EHBP1: variants seen among roughly 807,000 people sequenced by gnomAD.
EHBP1 encodes the protein EH domain binding protein 1.
Under a neutral mutation model 144.0 loss-of-function variants are expected in EHBP1, and 55 were observed. The observed-to-expected ratio is 0.38, with a 90% CI of 0.31 to 0.48. The LOEUF (loss-of-function observed/expected upper bound fraction) is 0.48, where lower values mean the gene tolerates loss of function less well. Ranked by LOEUF, EHBP1 falls within the 20% of genes least tolerant of loss-of-function variation. EHBP1 has a pLI of 0.98. For synonymous variants in EHBP1, 469 were observed against 472.7 expected (o/e 0.99, Z 0.10); for missense variants, 1,200 against 1,364.2 (o/e 0.88, Z 1.90).
chr2:62,903,490 C>G (rs1183051447), intron 10 of EHBP1, among the ~76,000 whole-genome samples: 1 of 152,148 alleles, frequency 6.6e-6, no homozygotes, highest in Non-Finnish European at 1.5e-5. Context: ...AGGCCAGGTG[C>G]AGTGACTCAC....
chr2:62,983,600 G>A (rs1162888915), intron 15 of EHBP1, among the ~76,000 whole-genome samples: 1 of 152,134 alleles, frequency 6.6e-6, no homozygotes, highest in Non-Finnish European at 1.5e-5. Context: ...GAGTGCAATG[G>A]CGCTATCTCA....
At chr2:62,994,067 A>C (rs2059531768) in intron 18 of EHBP1, 90 bp downstream of exon 18, 1 of 869,336 alleles carries the variant, frequency 1.2e-6, no homozygotes, top group African/African-American at 1.7e-5. Flanking sequence ...ATGAGATGTT[A>C]GGTTTTTTAA....
At chr2:62,762,306 C>T (rs367684631) in intron 3 of EHBP1, among the ~76,000 whole-genome samples, 21 of 152,226 alleles carry the variant, frequency 1.4e-4, no homozygotes, top group African/African-American at 4.3e-4. Context: ...TGTTTTTCTC[C>T]GAGACTTAGT....
intron 14 of EHBP1, among the ~76,000 whole-genome samples, chr2:62,976,747 A>C (rs150461452): frequency 1.5e-3 from 226 of 152,254 alleles, no homozygotes; most frequent in Middle Eastern, 3.4e-3. Context: ...ACATCCTAGT[A>C]TCCATTTTAT....
chr2:63,038,624 G>A (rs1320103915), intron 20 of EHBP1, 119 bp from the exon 21 acceptor site: 6 of 808,184 alleles, frequency 7.4e-6, no homozygotes. Context: ...ATTTGGAGTG[G>A]CTTAAACTTA....
At chr2:62,714,771 T>C (rs2151872477) in intron 2 of EHBP1, among the ~76,000 whole-genome samples, 1 of 152,134 alleles carries the variant, frequency 6.6e-6, no homozygotes, top group East Asian at 1.9e-4. Flanking sequence ...AACCTGAACT[T>C]TTAAGAGTGT....
At chr2:63,001,245 G>C (rs1209002537) in intron 19 of EHBP1, among the ~76,000 whole-genome samples, 1 of 152,116 alleles carries the variant, frequency 6.6e-6, no homozygotes, top group East Asian at 1.9e-4. Flanking sequence ...CCTGAGCGGA[G>C]AATAACAATA....
At chr2:62,685,334 G>T (rs1385498372) in intron 1 of EHBP1, among the ~76,000 whole-genome samples, 1 of 151,960 alleles carries the variant, frequency 6.6e-6, no homozygotes, top group East Asian at 1.9e-4. Context: ...TAGAAAAAAA[G>T]AAGTCTGAGA....
chr2:62,936,852 G>A (rs2056419741), intron 10 of EHBP1, among the ~76,000 whole-genome samples: 1 of 151,930 alleles, frequency 6.6e-6, no homozygotes, highest in African/African-American at 2.4e-5. Flanking sequence ...ATAGTTTTTG[G>A]GTTCACCAAA....
At chr2:62,806,399 C>T (rs746756246) in intron 5 of EHBP1, among the ~76,000 whole-genome samples, 2 of 151,828 alleles carry the variant, frequency 1.3e-5, no homozygotes, top group Non-Finnish European at 2.9e-5. Flanking sequence ...GAGGCGGAGT[C>T]TTGCTGTGTC....
At position 62,904,543 on chromosome 2, in the gene EHBP1, C is replaced by T. The variant is rs192623861; in HGVS notation, c.1185+30011C>T. On this transcript the variant is annotated intron_variant, in intron 10 of 22. Transcript: ENST00000431489. ...AGCCCATGTGCTTCACCCCCCCGGC[C>T]CATGGGCTGCCCGATGGTGGCAGAA... Among the ~76,000 whole-genome samples, 12 of 152,302 alleles carry T rather than the reference C, an allele frequency of 7.9e-5. No individual in the cohort carries two copies. The East Asian group carries it at 2.3e-3, about 29-fold the overall frequency.
intron 10 of EHBP1, among the ~76,000 whole-genome samples, chr2:62,890,318 A>C (rs2052354170): frequency 6.6e-6 from 1 of 152,166 alleles, no homozygotes; most frequent in South Asian, 2.1e-4. Flanking sequence ...TTATCTATAA[A>C]TTGCTTTGGG....
intron 5 of EHBP1, among the ~76,000 whole-genome samples, chr2:62,813,028 C>G (rs1288216419): frequency 6.6e-6 from 1 of 152,094 alleles, no homozygotes; most frequent in East Asian, 1.9e-4. Flanking sequence ...GAGAATAACC[C>G]CACAAGCAGT....
intron 14 of EHBP1, among the ~76,000 whole-genome samples, chr2:62,957,118 C>T (rs2057741416): frequency 6.6e-6 from 1 of 151,836 alleles, no homozygotes; most frequent in Non-Finnish European, 1.5e-5. Flanking sequence ...CAAATTCAAC[C>T]CAGAAGTTAT....
At chr2:63,027,299 T>C (rs2061023189) in intron 19 of EHBP1, among the ~76,000 whole-genome samples, 1 of 152,236 alleles carries the variant, frequency 6.6e-6, no homozygotes, top group African/African-American at 2.4e-5. Flanking sequence ...CTTTGAGACA[T>C]TGTTGTTCTC....
chr2:62,993,734 TATATATATATAGTATATATATATAGC>T (rs1376135453), intron 17 of EHBP1, 66 bp downstream of exon 17: 20 of 718,014 alleles, frequency 2.8e-5, no homozygotes, highest in South Asian at 5.8e-5. Flanking sequence ...CTATATATAG[TATATATATATAGTATATATATATAGC>T]ATATATATAT....
chr2:63,001,822 A>G (rs902614727), intron 19 of EHBP1, among the ~76,000 whole-genome samples: 1 of 152,156 alleles, frequency 6.6e-6, no homozygotes, highest in African/African-American at 2.4e-5. Flanking sequence ...TCCCTGCTTC[A>G]TCTCTCATCT....
chr2:62,705,670 A>G (rs896851338), upstream of EHBP1: 15 of 151,082 alleles, frequency 9.9e-5, no homozygotes. Context: ...GGCCTGGCCA[A>G]TGGCGGCGGG....
At chr2:62,945,338 A>G (rs1046099113) in intron 12 of EHBP1, among the ~76,000 whole-genome samples, 46 of 152,176 alleles carry the variant, frequency 3.0e-4, no homozygotes, top group African/African-American at 1.0e-3. Flanking sequence ...GAAGGGACCC[A>G]TTGCCAAAAG....
Sources: allele counts gnomAD v4.1 joint callset (sites outside exome capture counted in the v4.1 genomes callset), GRCh38; gene constraint gnomAD v4.1.1; transcripts MANE v1.5; gene names NCBI Gene and HGNC (gene_info 2026-07-23, HGNC 2026-07-21).